Variants in CSMD3 observed in about 807,000 individuals in gnomAD.
CSMD3 encodes the protein CUB and Sushi multiple domains 3.
CSMD3 carries 177 observed loss-of-function variants against 435.2 expected under a neutral mutation model. The ratio of observed to expected loss-of-function variants is 0.41; its 90% CI spans 0.36 to 0.46. The LOEUF is 0.46. Among genes scored for constraint, CSMD3 ranks in the 20% least tolerant of loss-of-function variants. The pLI is 0.34. For missense variants in CSMD3, 4,265 were observed against 4,504.6 expected, an observed-to-expected ratio of 0.95 and a Z score of 1.52; for synonymous variants, 1,656 against 1,520.5, an observed-to-expected ratio of 1.09 and a Z score of -2.07.
At chr8:113,133,095 T>C (rs1397080614) in intron 4 of CSMD3, among the ~76,000 whole-genome samples, 5 of 152,094 alleles carry the variant, frequency 3.3e-5, no homozygotes, top group Middle Eastern at 3.2e-3. Flanking sequence ...TAAAAATGTT[T>C]GTGAATCAAA....
At chr8:113,335,565 G>GTTTTTTTTTTTTTTTTTTTTTTTTTTTTT (rs1263100966) in intron 1 of CSMD3, among the ~76,000 whole-genome samples, 1 of 98,126 alleles carries the variant, frequency 1.0e-5, no homozygotes, top group Non-Finnish European at 1.9e-5. Flanking sequence ...TTTTTTTTGG[G>GTTTTTTTTTTTTTTTTTTTTTTTTTTTTT]TATTTACATG....
chr8:112,573,358 G>T, intron 24 of CSMD3, 143 bp downstream of exon 24: 1 of 784,900 alleles, frequency 1.3e-6, no homozygotes, highest in Non-Finnish European at 2.2e-6. Flanking sequence ...GCTGTTGTTA[G>T]GGTCAAATAA....
chr8:112,508,862 C>A (rs1302257994), intron 28 of CSMD3, among the ~76,000 whole-genome samples: 1 of 152,024 alleles, frequency 6.6e-6, no homozygotes, highest in East Asian at 1.9e-4. Context: ...TCTTTCTGCA[C>A]CCCTGTGCTG....
intron 1 of CSMD3, among the ~76,000 whole-genome samples, chr8:113,318,699 C>T (rs554043906): frequency 4.6e-5 from 7 of 151,360 alleles, no homozygotes; most frequent in African/African-American, 1.7e-4. Flanking sequence ...TATTTTTGTG[C>T]CTGGCTTATT....
chr8:112,968,241 T>C (rs921940932), intron 7 of CSMD3, among the ~76,000 whole-genome samples: 4 of 151,934 alleles, frequency 2.6e-5, no homozygotes, highest in African/African-American at 9.7e-5. Flanking sequence ...ACATGTCAGC[T>C]CAACACCAGT....
intron 32 of CSMD3, among the ~76,000 whole-genome samples, chr8:112,467,879 G>T (rs1252207037): frequency 1.3e-5 from 2 of 152,118 alleles, no homozygotes; most frequent in African/African-American, 2.4e-5. Flanking sequence ...CTCTAGAGCC[G>T]CCAGAGGAAG....
intron 3 of CSMD3, among the ~76,000 whole-genome samples, chr8:113,253,736 G>A (rs2093354967): frequency 6.6e-6 from 1 of 151,938 alleles, no homozygotes; most frequent in Admixed American, 6.6e-5. Flanking sequence ...CTACTTGGGA[G>A]GCTGAGGCAG....
At chr8:112,239,103 C>A (rs1366120894) in intron 66 of CSMD3, among the ~76,000 whole-genome samples, 2 of 152,032 alleles carry the variant, frequency 1.3e-5, no homozygotes, top group African/African-American at 4.8e-5. Flanking sequence ...TCAAATAAGG[C>A]AAACACAGAA....
chr8:112,923,416 T>C (rs973730613), intron 9 of CSMD3, among the ~76,000 whole-genome samples: 7 of 152,126 alleles, frequency 4.6e-5, no homozygotes, highest in South Asian at 2.1e-4. Flanking sequence ...TCTCCTTCCA[T>C]GTCTGTTCTT....
chr8:112,614,858 TCTGG>T (rs1222064398), intron 22 of CSMD3, among the ~76,000 whole-genome samples: 1 of 151,860 alleles, frequency 6.6e-6, no homozygotes, highest in Non-Finnish European at 1.5e-5. Context: ...TACCTTTTAC[TCTGG>T]CTGGTAATTC....
At chr8:112,281,407 A>C in intron 58 of CSMD3, 57 bp from the exon 59 acceptor site, 3 of 1,404,942 alleles carry the variant, frequency 2.1e-6, no homozygotes, top group Admixed American at 1.7e-5. Flanking sequence ...AATTCTTCCC[A>C]AAAAAGTTAA....
chr8:112,242,996 CTTAGAA>C (rs952455986), intron 65 of CSMD3, among the ~76,000 whole-genome samples: 4 of 151,916 alleles, frequency 2.6e-5, no homozygotes, highest in African/African-American at 7.3e-5. Context: ...AGAATGGATA[CTTAGAA>C]TTAGGAGGGA....
At chr8:112,782,128 A>G (rs564716941) in intron 13 of CSMD3, among the ~76,000 whole-genome samples, 1 of 152,248 alleles carries the variant, frequency 6.6e-6, no homozygotes, top group South Asian at 2.1e-4. Flanking sequence ...CTGTAGTGAA[A>G]GATATTCAAA....
chr8:112,804,666 TTTTA>T (rs545441432), intron 12 of CSMD3, among the ~76,000 whole-genome samples: 4 of 147,972 alleles, frequency 2.7e-5, no homozygotes, highest in African/African-American at 1.0e-4. Flanking sequence ...TTTTATTTTA[TTTTA>T]TTTTATTTTT....
intron 32 of CSMD3, among the ~76,000 whole-genome samples, chr8:112,465,297 T>C (rs936500199): frequency 2.0e-5 from 3 of 152,198 alleles, no homozygotes; most frequent in Non-Finnish European, 4.4e-5. Flanking sequence ...TCCATCCAAT[T>C]ATCAGATAGT....
At chr8:112,439,169 C>T (rs977224791) in intron 32 of CSMD3, among the ~76,000 whole-genome samples, 1 of 152,110 alleles carries the variant, frequency 6.6e-6, no homozygotes, top group African/African-American at 2.4e-5. Flanking sequence ...GAGATGGAGT[C>T]TCGCTCTGTT....
chr8:112,409,983 C>T (rs1276279778), intron 32 of CSMD3, among the ~76,000 whole-genome samples: 6 of 151,804 alleles, frequency 4.0e-5, no homozygotes, highest in Admixed American at 2.6e-4. Flanking sequence ...AATTTGAAAT[C>T]ACATGAATTT....
intron 9 of CSMD3, among the ~76,000 whole-genome samples, chr8:112,943,608 T>C (rs2083516965): frequency 6.6e-6 from 1 of 151,818 alleles, no homozygotes; most frequent in Admixed American, 6.6e-5. Context: ...CATTACTTCA[T>C]AACAATTTGA....
chr8:112,840,273 T>C (rs537452679), intron 11 of CSMD3, among the ~76,000 whole-genome samples: 1 of 151,946 alleles, frequency 6.6e-6, no homozygotes, highest in African/African-American at 2.4e-5. Context: ...TTTTGTAGAT[T>C]GCTACGGGTA....
Sources: allele counts gnomAD v4.1 joint callset (sites outside exome capture counted in the v4.1 genomes callset), GRCh38; gene constraint gnomAD v4.1.1; transcripts MANE v1.5; gene names NCBI Gene and HGNC (gene_info 2026-07-23, HGNC 2026-07-21).